Variants in ZSCAN30 observed in about 807,000 individuals in gnomAD.
ZSCAN30 encodes the protein zinc finger and SCAN domain-containing protein 30.
In ZSCAN30, 37 loss-of-function variants were observed where a neutral mutation model predicts 44.3. That is an observed-to-expected ratio of 0.84 (90% CI 0.64 to 1.10). The LOEUF (loss-of-function observed/expected upper bound fraction) is 1.10. Ranked by LOEUF, ZSCAN30 falls within the 50% of genes least tolerant of loss-of-function variation. ZSCAN30 has a pLI of 0.00. For synonymous variants in ZSCAN30, 181 were observed against 204.6 expected (o/e 0.88, Z 0.98); for missense variants, 549 against 582.6 (o/e 0.94, Z 0.59).
Position 35,254,169 on chromosome 18 carries a change from G to A in ZSCAN30, c.766C>T (p.His256Tyr). The A allele has an allele frequency of 6.2e-7, 1 of 1,614,200 alleles. No homozygotes were observed. Among genetic ancestry groups the A allele is most frequent in the East Asian group, 2.2e-5 (1 of 44,896 alleles). ...CTGTTGAAGGTTGCCAGACTGAAAT[G>A]TCTGTCCTGGGAAGGAAGCTGACTG... ...KISQLPSQDR[H>Y]FSLATFNRRI... Residue 256 changes from histidine to tyrosine, a missense_variant, in exon 4 of 4, where the codon CAT (histidine) becomes TAT (tyrosine). Physicochemically the swap from His to Tyr is moderately conservative, Grantham distance 83. Transcript: ENST00000333206.
chr18:35,279,143 A>G (rs954335130), intron 1 of ZSCAN30, among the ~76,000 whole-genome samples: 1 of 152,178 alleles, frequency 6.6e-6, no homozygotes, highest in African/African-American at 2.4e-5. Context: ...ATATTTTTAG[A>G]TATTTGTACA....
Position 35,253,746 on chromosome 18 carries a change from T to C in ZSCAN30, c.1189A>G (p.Ser397Gly), listed in dbSNP as rs368803707. 205 of 1,614,184 alleles carry C rather than the reference T, an allele frequency of 1.3e-4. 4 individuals are homozygous for C. In the South Asian group the frequency reaches 1.8e-3, roughly 14 times the overall value. ...CGECGKAFSRSSALIQHKKIH... is the reference protein window; with the variant it reads ...CGECGKAFSRGSALIQHKKIH... ...TTCTTATGCTGAATAAGGGCTGAGC[T>C]CCGGCTGAAGGCCTTCCCACATTCT... The change falls in exon 4 of 4, where the codon AGC becomes GGC. Residue 397 changes from serine to glycine, a missense_variant. Physicochemically the swap from Ser to Gly is moderately conservative, Grantham distance 56. Transcript: ENST00000333206.
chr18:35,257,819 G>T (rs2043890464), intron 3 of ZSCAN30: 3 of 772,646 alleles, frequency 3.9e-6, no homozygotes, highest in Non-Finnish European at 7.3e-6. Context: ...TTATGCTTCA[G>T]CGGCCCATGA....
intron 1 of ZSCAN30, among the ~76,000 whole-genome samples, chr18:35,266,125 G>A (rs1014818935): frequency 1.3e-5 from 2 of 152,200 alleles, no homozygotes; most frequent in Non-Finnish European, 2.9e-5. Context: ...GACTTCCTGA[G>A]TCAGAATCTC....
chr18:35,270,997 T>C (rs1250021911), intron 1 of ZSCAN30, among the ~76,000 whole-genome samples: 1 of 152,014 alleles, frequency 6.6e-6, no homozygotes, highest in African/African-American at 2.4e-5. Flanking sequence ...CCGTCCGGAG[T>C]TGTTCATTCC....
In ZSCAN30 at chr18:35,252,877, C is replaced by T. The variant is rs1202613372; in HGVS notation, c.*573G>A. 6.5e-6 allele frequency: 1 copy of T among 153,092 alleles called. No homozygotes were observed. The highest frequency in any genetic ancestry group is 1.9e-4 in the East Asian group (1 of 5,210). 9.5% of individuals were successfully genotyped at this position (153,092 alleles called of 1,614,324 possible). On this transcript the variant is annotated 3_prime_UTR_variant, in exon 4 of 4. Coordinates refer to ENST00000333206, the MANE Select transcript of ZSCAN30 (RefSeq NM_001112734.4). ...GACTTGAATTAACCTCAGCAGGAAG[C>T]TCAGGATTGAGGAGACAACTGGCAA...
chr18:35,260,233 TACC>T (rs2043994273), intron 3 of ZSCAN30: 1 of 152,252 alleles, frequency 6.6e-6, no homozygotes, highest in Admixed American at 6.5e-5. Flanking sequence ...GGTGTATACA[TACC>T]ACATTTTCTT....
chr18:35,254,645 GACAA>G, intron 3 of ZSCAN30: 1 of 550,488 alleles, frequency 1.8e-6, no homozygotes, highest in Non-Finnish European at 3.1e-6. Context: ...AGGGAATGGT[GACAA>G]ACAGGAATAT....
intron 1 of ZSCAN30, among the ~76,000 whole-genome samples, chr18:35,279,208 T>C (rs898638460): frequency 2.0e-5 from 3 of 152,228 alleles, no homozygotes; most frequent in Middle Eastern, 3.2e-3. Flanking sequence ...ATGTATTCTC[T>C]CATAGTCTGG....
chr18:35,269,457 G>GCC (rs2044226646), intron 1 of ZSCAN30: 1 of 25,282 alleles, frequency 4.0e-5, no homozygotes. Context: ...ATGACAAGCT[G>GCC]CACGTTTTAC....
intron 1 of ZSCAN30, among the ~76,000 whole-genome samples, chr18:35,275,439 A>C (rs1173337886): frequency 1.3e-5 from 2 of 152,160 alleles, no homozygotes; most frequent in African/African-American, 4.8e-5. Context: ...CTCACCCCTC[A>C]TTCTTAAATG....
At chr18:35,273,577 T>TCCCA (rs1414441440) in intron 1 of ZSCAN30, among the ~76,000 whole-genome samples, 4 of 152,268 alleles carry the variant, frequency 2.6e-5, no homozygotes, top group Non-Finnish European at 1.5e-5. Context: ...TTCCATTGTA[T>TCCCA]GTATCCGGTT....
At chr18:35,280,696 C>A (rs2044441252) in intron 1 of ZSCAN30, among the ~76,000 whole-genome samples, 1 of 152,202 alleles carries the variant, frequency 6.6e-6, no homozygotes, top group African/African-American at 2.4e-5. Flanking sequence ...ACTGGACATG[C>A]ACACTGACAT....
intron 3 of ZSCAN30, among the ~76,000 whole-genome samples, chr18:35,256,084 G>A (rs1332486262): frequency 2.6e-5 from 4 of 152,118 alleles, no homozygotes; most frequent in South Asian, 2.1e-4. Context: ...ATTTAAATAC[G>A]TCTTCAAATT....
chr18:35,265,592 A>C (rs2044132858), intron 1 of ZSCAN30, among the ~76,000 whole-genome samples: 1 of 152,214 alleles, frequency 6.6e-6, no homozygotes, highest in South Asian at 2.1e-4. Flanking sequence ...AATGTTAGGA[A>C]GGGATCATGG....
chr18:35,274,067 G>A (rs928094378), intron 1 of ZSCAN30, among the ~76,000 whole-genome samples: 1 of 152,074 alleles, frequency 6.6e-6, no homozygotes, highest in Admixed American at 6.6e-5. Flanking sequence ...TCAGGCTGGA[G>A]TGCAGTGGTG....
intron 1 of ZSCAN30, among the ~76,000 whole-genome samples, chr18:35,271,834 T>A (rs534423999): frequency 6.6e-6 from 1 of 152,290 alleles, no homozygotes; most frequent in Admixed American, 6.5e-5. Flanking sequence ...AAGAATTTGA[T>A]TGTGGCGCAG....
intron 1 of ZSCAN30, among the ~76,000 whole-genome samples, chr18:35,287,650 T>A (rs1054666741): frequency 2.0e-5 from 3 of 150,810 alleles, no homozygotes; most frequent in Admixed American, 1.3e-4. Flanking sequence ...TAATTCCAGA[T>A]GGATCAGAGA....
intron 1 of ZSCAN30, chr18:35,269,525 G>A (rs994834469): frequency 2.6e-5 from 4 of 151,754 alleles, no homozygotes; most frequent in Admixed American, 1.3e-4. Flanking sequence ...CAGGTATGGG[G>A]ATCCACCATC....
Sources: allele counts gnomAD v4.1 joint callset (sites outside exome capture counted in the v4.1 genomes callset), GRCh38; gene constraint gnomAD v4.1.1; transcripts MANE v1.5; gene names NCBI Gene and HGNC (gene_info 2026-07-23, HGNC 2026-07-21).